LTBP1: variants seen among roughly 807,000 people sequenced by gnomAD.
LTBP1 encodes the protein latent transforming growth factor beta binding protein 1.
A neutral mutation model predicts 207.6 loss-of-function variants in LTBP1; 129 were observed. That is an observed-to-expected ratio of 0.62 (90% CI 0.54 to 0.72). The LOEUF is 0.72. Ranked by LOEUF, LTBP1 falls within the 30% of genes least tolerant of loss-of-function variation. The probability of loss-of-function intolerance (pLI) is 0.00; values close to 1 mark genes in which losing one functional copy is unlikely to be tolerated. For synonymous variants in LTBP1, 963 were observed against 833.7 expected, an observed-to-expected ratio of 1.16 and a Z score of -2.67; for missense variants, 2,281 against 2,217.2, an observed-to-expected ratio of 1.03 and a Z score of -0.58.
At chr2:33,100,915 G>C (rs1244590331) in intron 3 of LTBP1, among the ~76,000 whole-genome samples, 1 of 152,188 alleles carries the variant, frequency 6.6e-6, no homozygotes, top group Non-Finnish European at 1.5e-5. Flanking sequence ...CCATTGCATG[G>C]ACAAACCACA....
intron 23 of LTBP1, among the ~76,000 whole-genome samples, chr2:33,314,242 A>AT (rs2094230797): frequency 6.6e-6 from 1 of 152,044 alleles, no homozygotes; most frequent in Non-Finnish European, 1.5e-5. Context: ...GCAAATACGA[A>AT]TTTTCATGGT....
chr2:33,176,069 T>C, intron 5 of LTBP1, among the ~76,000 whole-genome samples: 1 of 151,406 alleles, frequency 6.6e-6, no homozygotes, highest in East Asian at 1.9e-4. Flanking sequence ...GACGAGTTAA[T>C]GGGTGCAGCA....
chr2:33,015,119 C>A (rs944165733), intron 2 of LTBP1, among the ~76,000 whole-genome samples: 1 of 152,040 alleles, frequency 6.6e-6, no homozygotes, highest in African/African-American at 2.4e-5. Context: ...TTGACCTTGA[C>A]CAGTTTGCTT....
chr2:33,240,797 C>T (rs2092289874), intron 9 of LTBP1, among the ~76,000 whole-genome samples: 2 of 151,940 alleles, frequency 1.3e-5, no homozygotes, highest in Non-Finnish European at 2.9e-5. Context: ...ACTGCAGGCA[C>T]CTGCCACCAC....
chr2:33,244,285 C>T (rs1219058994), intron 10 of LTBP1, among the ~76,000 whole-genome samples: 1 of 152,118 alleles, frequency 6.6e-6, no homozygotes, highest in Non-Finnish European at 1.5e-5. Context: ...TACCAAGGCC[C>T]TGTGTTTTAG....
At chr2:33,070,593 C>G (rs1420464113) in intron 3 of LTBP1, among the ~76,000 whole-genome samples, 2 of 152,236 alleles carry the variant, frequency 1.3e-5, no homozygotes, top group African/African-American at 4.8e-5. Context: ...TTGGAAACTT[C>G]CCAGAAGCCC....
At chr2:33,092,195 G>GCGCACA (rs1553403358) in intron 3 of LTBP1, among the ~76,000 whole-genome samples, 4 of 149,018 alleles carry the variant, frequency 2.7e-5, no homozygotes, top group African/African-American at 7.4e-5. Context: ...ACACACACAC[G>GCGCACA]CGCACACACA....
intron 8 of LTBP1, among the ~76,000 whole-genome samples, chr2:33,221,774 A>AATAG (rs1438865847): frequency 6.6e-6 from 1 of 152,206 alleles, no homozygotes; most frequent in African/African-American, 2.4e-5. Context: ...AATGGGGAGG[A>AATAG]ATAGATCCTT....
chr2:33,006,937 G>C (rs1162601108), intron 2 of LTBP1, among the ~76,000 whole-genome samples: 1 of 152,196 alleles, frequency 6.6e-6, no homozygotes, highest in African/African-American at 2.4e-5. Context: ...ATATTTCACA[G>C]TGAGGCTTCA....
intron 5 of LTBP1, among the ~76,000 whole-genome samples, chr2:33,138,266 AATAAGT>A (rs1173260842): frequency 6.6e-6 from 1 of 152,336 alleles, no homozygotes; most frequent in African/African-American, 2.4e-5. Context: ...TGGGAGAAAT[AATAAGT>A]ATAACTTCTG....
Position 33,190,165 on chromosome 2 carries a change from GCGAAGACAAC to G in LTBP1, c.1701+1316_1701+1325del, listed in dbSNP as rs1341775393. Among the ~76,000 whole-genome samples, 7 of 152,324 alleles carry G rather than the reference GCGAAGACAAC, an allele frequency of 4.6e-5. No individual in the cohort carries two copies. In the South Asian group the frequency reaches 1.4e-3, roughly 32 times the overall value. ...TAAAACTCATCATTGAATGTGCATA[GCGAAGACAAC>G]CTAAAAGCGTTGGTTCCTCCACTCC... is the stretch of plus-strand genomic sequence containing the variant. On this transcript the variant is annotated intron_variant, in intron 7 of 33. Coordinates refer to ENST00000404816, the MANE Select transcript of LTBP1 (RefSeq NM_206943.4).
intron 7 of LTBP1, among the ~76,000 whole-genome samples, chr2:33,215,640 C>G (rs2090615306): frequency 6.6e-6 from 1 of 152,060 alleles, no homozygotes; most frequent in African/African-American, 2.4e-5. Flanking sequence ...GGGCCACCAC[C>G]TGCCTGGACC....
intron 3 of LTBP1, among the ~76,000 whole-genome samples, chr2:33,074,594 G>A (rs1572507211): frequency 6.6e-6 from 1 of 152,088 alleles, no homozygotes; most frequent in African/African-American, 2.4e-5. Context: ...TTAGGGCTGG[G>A]CACAGTGGCT....
At chr2:33,293,868 A>G (rs1351817968) in intron 20 of LTBP1, among the ~76,000 whole-genome samples, 3 of 152,100 alleles carry the variant, frequency 2.0e-5, no homozygotes, top group Non-Finnish European at 4.4e-5. Context: ...CTTTTTTTCA[A>G]ACGTTATTTT....
intron 5 of LTBP1, among the ~76,000 whole-genome samples, chr2:33,159,759 C>A (rs2084294416): frequency 6.6e-6 from 1 of 152,310 alleles, no homozygotes. Context: ...TCACTGAGTA[C>A]CTTCTGTGTA....
intron 2 of LTBP1, among the ~76,000 whole-genome samples, chr2:32,974,523 C>A (rs1365021016): frequency 6.6e-6 from 1 of 152,112 alleles, no homozygotes; most frequent in Non-Finnish European, 1.5e-5. Context: ...TATTTTCTCC[C>A]ATTCTGTGGG....
rs1251517665 is a variant in LTBP1, at chr2:33,114,405, G to A, written c.1033+3654G>A. Among the ~76,000 whole-genome samples, 3 of 151,662 alleles carry A rather than the reference G, an allele frequency of 2.0e-5. No individual in the cohort carries two copies. The East Asian group carries it at 5.8e-4, about 29-fold the overall frequency. On this transcript the variant is annotated intron_variant, in intron 4 of 33. Coordinates refer to ENST00000404816, the MANE Select transcript of LTBP1 (RefSeq NM_206943.4). ...ATCAGGTGGCTGGATTTGGCTCATGGGCTATAGTTTGCCAATTCTTGATCT... is the reference window on the plus strand; with the variant it reads ...ATCAGGTGGCTGGATTTGGCTCATGAGCTATAGTTTGCCAATTCTTGATCT...
intron 12 of LTBP1, 79 bp from the exon 13 acceptor site, chr2:33,259,504 CTTCTA>C: frequency 2.1e-6 from 2 of 952,798 alleles, no homozygotes; most frequent in Non-Finnish European, 3.1e-6. Flanking sequence ...AGATAATGGA[CTTCTA>C]TTGTTTTTTA....
At chr2:33,181,439 A>G (rs1190512535) in intron 5 of LTBP1, among the ~76,000 whole-genome samples, 2 of 152,224 alleles carry the variant, frequency 1.3e-5, no homozygotes, top group Non-Finnish European at 2.9e-5. Flanking sequence ...CGCCTGACTT[A>G]TTTAAAACCT....
Sources: gnomAD v4.1 joint callset for allele counts (sites outside exome capture counted in the v4.1 genomes callset) on GRCh38, gnomAD v4.1.1 for gene constraint, MANE v1.5 for transcripts, NCBI Gene and HGNC (gene_info 2026-07-23, HGNC 2026-07-21) for gene names.